The following NOTO variants were observed in gnomAD, a reference collection of about 807,000 sequenced individuals.
The protein encoded by NOTO is notochord homeobox.
In NOTO, 19 loss-of-function variants were observed where a neutral mutation model predicts 20.5. The ratio of observed to expected loss-of-function variants is 0.93; its 90% CI spans 0.65 to 1.36. NOTO has a LOEUF of 1.36. Ranked by LOEUF, NOTO falls within the 40% of genes most tolerant of loss-of-function variation. The probability of loss-of-function intolerance (pLI) is 0.00; values close to 1 mark genes in which losing one functional copy is unlikely to be tolerated. For missense variants in NOTO, 369 were observed against 336.2 expected (o/e 1.10, Z -0.76); for synonymous variants, 150 against 150.2 (o/e 1.00, Z 0.01).
intron 1 of NOTO, among the ~76,000 whole-genome samples, chr2:73,205,128 T>C (rs1686072881): frequency 6.6e-6 from 1 of 152,082 alleles, no homozygotes; most frequent in Admixed American, 6.6e-5. Context: ...GATGTATTTC[T>C]TTTTCTGTGA....
At chr2:73,207,038 G>A (rs1023960468) in intron 1 of NOTO, among the ~76,000 whole-genome samples, 2 of 151,784 alleles carry the variant, frequency 1.3e-5, no homozygotes, top group African/African-American at 2.4e-5. Context: ...CAGGCTATCC[G>A]CCTGCCTCAG....
chr2:73,208,704 A>G (rs1232403785), intron 2 of NOTO, 90 bp downstream of exon 2: 2 of 824,580 alleles, frequency 2.4e-6, no homozygotes, highest in African/African-American at 3.4e-5. Flanking sequence ...GGAGGAAGAT[A>G]TGGGCCCTCT....
At chr2:73,207,627 T>G (rs1054603483) in intron 1 of NOTO, among the ~76,000 whole-genome samples, 1 of 152,134 alleles carries the variant, frequency 6.6e-6, no homozygotes, top group South Asian at 2.1e-4. Flanking sequence ...CTATCTTGGC[T>G]CACTGCAACC....
rs371162071 is a variant in NOTO at position 73,208,454 on chromosome 2, C to T, written c.437C>T (p.Thr146Met). The part of the protein sequence containing the change: ...GLWAFPDWAP[T>M]EDLQDTERQQ... ...TGGGCCTTCCCAGACTGGGCCCCAA[C>T]GGAGGACCTACAGGACACTGAGAGA... The change falls in exon 2 of 3, where the codon ACG becomes ATG. Residue 146 changes from threonine (T) to methionine (M), a missense_variant. Transcript: ENST00000398468. The T allele has an allele frequency of 2.8e-5, 44 of 1,551,518 alleles. No homozygotes were observed. The highest frequency in any genetic ancestry group is 1.7e-4 in the Middle Eastern group (1 of 6,012).
Position 73,208,480 on chromosome 2 carries a change from C to G in NOTO, c.463C>G (p.Gln155Glu). 1.3e-6 allele frequency: 2 copies of G among 1,551,598 alleles called. No homozygotes were observed. The highest frequency in any genetic ancestry group is 1.7e-6 in the Non-Finnish European group (2 of 1,146,902). ...GGAGGACCTACAGGACACTGAGAGA[C>G]AGCAAAAGAGAGTCCGAACTATGTT... Reference protein sequence around the residue: ...PTEDLQDTERQQKRVRTMFNL... With the variant: ...PTEDLQDTEREQKRVRTMFNL... The change falls in exon 2 of 3, where the codon CAG (glutamine) becomes GAG (glutamate). Residue 155 changes from glutamine to glutamate, a missense_variant. Gln to Glu is a conservative substitution (Grantham distance 29). Transcript: ENST00000398468.
Position 73,203,170 on chromosome 2 carries a change from T to C in NOTO, c.382+122T>C, listed in dbSNP as rs549780877. 2.3e-4 allele frequency: 201 copies of C among 869,580 alleles called. No homozygotes were observed. In the African/African-American group the frequency reaches 3.3e-3, roughly 14 times the overall value. The allele number at this position is 869,580 out of a possible 1,614,324, so 53.9% of individuals were successfully genotyped here. A position where few individuals can be genotyped will look rare whatever the true frequency, so the allele number is the denominator to read the frequency against. ...GTGTGAGAATCACACACGGCTGGAG[T>C]GGGAAGGGGCTCTGCCACCGTTTAC... On this transcript the variant is annotated intron_variant, in intron 1 of 2. Coordinates refer to ENST00000398468, the MANE Select transcript of NOTO (RefSeq NM_001134462.2).
At position 73,211,041 on chromosome 2, in the gene NOTO, T is replaced by C. The variant is rs767636274; in HGVS notation, c.*112T>C. 8.4e-5 allele frequency: 71 copies of C among 848,536 alleles called. No homozygotes were observed. Among genetic ancestry groups the C allele is most frequent in the Non-Finnish European group, 1.1e-4 (60 of 558,812 alleles). 52.6% of individuals were successfully genotyped at this position (848,536 alleles called of 1,614,324 possible). ...AAAAGCCTCCTCAACCAGAAGAATC[T>C]GAGCTGTCAAGCAGGGACCCCCTTT... On this transcript the variant is annotated 3_prime_UTR_variant, in exon 3 of 3. Transcript: ENST00000398468.
intron 2 of NOTO, among the ~76,000 whole-genome samples, chr2:73,210,287 C>A (rs1255429804): frequency 6.6e-6 from 1 of 152,186 alleles, no homozygotes; most frequent in Admixed American, 6.5e-5. Flanking sequence ...AAGCTTGGTT[C>A]CATTTCAGAG....
intron 1 of NOTO, among the ~76,000 whole-genome samples, chr2:73,204,841 A>G (rs1686064676): frequency 6.7e-6 from 1 of 149,982 alleles, no homozygotes; most frequent in Non-Finnish European, 1.5e-5. Context: ...AGTGGCTGGA[A>G]TTACAAGCCC....
chr2:73,208,388 G>A lies in NOTO; in HGVS notation c.383-12G>A. 3.9e-6 allele frequency: 6 copies of A among 1,545,444 alleles called. No individual in the cohort carries two copies. The highest frequency in any genetic ancestry group is 2.4e-5 in the East Asian group (1 of 40,866). On this transcript the variant is annotated splice_polypyrimidine_tract_variant and intron_variant, in intron 1 of 2. Coordinates refer to ENST00000398468, the MANE Select transcript of NOTO (RefSeq NM_001134462.2). ...TGCTGGATAACCTCCCCTGCTGCTG[G>A]TTGCTCTTTAGGGTTGGAGCTGGCT... is the stretch of plus-strand genomic sequence containing the variant.
At chr2:73,209,919 TCCAA>T (rs1558548452) in intron 2 of NOTO, among the ~76,000 whole-genome samples, 2 of 152,092 alleles carry the variant, frequency 1.3e-5, no homozygotes, top group Non-Finnish European at 2.9e-5. Context: ...CTCCTCCGCT[TCCAA>T]CCATCATTGA....
At chr2:73,204,433 T>C (rs1003953294) in intron 1 of NOTO, among the ~76,000 whole-genome samples, 24 of 152,194 alleles carry the variant, frequency 1.6e-4, no homozygotes, top group Non-Finnish European at 2.8e-4. Flanking sequence ...GTCCAAGCCT[T>C]ATCAACCCAT....
At chr2:73,207,853 T>C (rs1686110336) in intron 1 of NOTO, among the ~76,000 whole-genome samples, 1 of 152,164 alleles carries the variant, frequency 6.6e-6, no homozygotes, top group Admixed American at 6.5e-5. Context: ...ACGTGCTCAG[T>C]GATGACTCCC....
At chr2:73,208,269 C>T in intron 1 of NOTO, 131 bp from the exon 2 acceptor site, 1 of 628,956 alleles carries the variant, frequency 1.6e-6, no homozygotes, top group Non-Finnish European at 2.8e-6. Flanking sequence ...TGCACTGTTA[C>T]CTGGCCAAGG....
intron 1 of NOTO, among the ~76,000 whole-genome samples, chr2:73,204,217 G>A (rs1205918488): frequency 6.6e-6 from 1 of 152,112 alleles, no homozygotes; most frequent in East Asian, 1.9e-4. Context: ...GGTTGAGGTT[G>A]CATTAAGCCG....
intron 1 of NOTO, among the ~76,000 whole-genome samples, chr2:73,204,875 TTTTATTTTTTTA>T (rs1301644003): frequency 1.8e-4 from 12 of 65,606 alleles, no homozygotes; most frequent in African/African-American, 6.0e-4. Context: ...GGCTAATTTT[TTTTATTTTTTTA>T]TTTTTTTTTT....
chr2:73,208,718 C>T (rs1686126355), intron 2 of NOTO, 104 bp downstream of exon 2: 1 of 717,982 alleles, frequency 1.4e-6, no homozygotes, highest in East Asian at 2.7e-5. Flanking sequence ...GCCCTCTTCC[C>T]TGTGCCAGGC....
rs916961200 is a variant in NOTO at position 73,212,472 on chromosome 2, GT to G, written c.*1547del. 6.6e-6 allele frequency: 1 copy of G among 152,220 alleles called. No individual in the cohort carries two copies. Among genetic ancestry groups the G allele is most frequent in the Non-Finnish European group, 1.5e-5 (1 of 68,042 alleles). The allele number at this position is 152,220 out of a possible 1,614,324, so 9.4% of individuals were successfully genotyped here. ...GGCATTTTGTCATAAACTCTGCTGT[GT>G]TTTCACAGGACAGTTATAATTTCCC... On this transcript the variant is annotated 3_prime_UTR_variant, in exon 3 of 3. Coordinates refer to ENST00000398468, the MANE Select transcript of NOTO (RefSeq NM_001134462.2).
At position 73,202,650 on chromosome 2, in the gene NOTO, C is replaced by A. The variant is rs1686018974; in HGVS notation, c.-17C>A. 1.4e-6 allele frequency: 2 copies of A among 1,434,564 alleles called. No individual in the cohort carries two copies. The highest frequency in any genetic ancestry group is 2.9e-5 in the Admixed American group (1 of 34,954). 88.9% of individuals were successfully genotyped at this position (1,434,564 alleles called of 1,614,324 possible). On this transcript the variant is annotated 5_prime_UTR_variant, in exon 1 of 3. Coordinates refer to ENST00000398468, the MANE Select transcript of NOTO (RefSeq NM_001134462.2). The stretch of plus-strand genomic sequence containing the variant: ...CCGAGCTCCCTTCCTTGCGTCCGTC[C>A]GGGCAACGGCCGCGTCATGCCTAGC...
Sources: gnomAD v4.1 joint callset for allele counts (sites outside exome capture counted in the v4.1 genomes callset) on GRCh38, gnomAD v4.1.1 for gene constraint, MANE v1.5 for transcripts, NCBI Gene and HGNC (gene_info 2026-07-23, HGNC 2026-07-21) for gene names.